FRAS1: variants seen among roughly 807,000 people sequenced by gnomAD.
The protein encoded by FRAS1 is extracellular matrix organizing protein FRAS1.
Under a neutral mutation model 435.2 loss-of-function variants are expected in FRAS1, and 290 were observed. That is an observed-to-expected ratio of 0.67 (90% CI 0.61 to 0.73). The LOEUF (loss-of-function observed/expected upper bound fraction) is 0.73, where lower values mean the gene tolerates loss of function less well. Among genes scored for constraint, FRAS1 ranks in the 30% least tolerant of loss-of-function variants. FRAS1 has a pLI of 0.00. For synonymous variants in FRAS1, 1,800 were observed against 1,851.0 expected (o/e 0.97, Z 0.71); for missense variants, 4,860 against 5,001.5 (o/e 0.97, Z 0.85).
intron 58 of FRAS1, among the ~76,000 whole-genome samples, chr4:78,486,280 A>G (rs976571838): frequency 6.6e-6 from 1 of 152,226 alleles, no homozygotes. Context: ...AACAGTGTTT[A>G]TAGGACATTT....
intron 4 of FRAS1, among the ~76,000 whole-genome samples, chr4:78,249,739 C>T (rs938308817): frequency 6.6e-6 from 1 of 152,096 alleles, no homozygotes; most frequent in African/African-American, 2.4e-5. Context: ...AGAGTGGGTA[C>T]TGAAGAGATC....
At position 78,540,651 on chromosome 4, in the gene FRAS1, G is replaced by A. The variant is rs369258214; in HGVS notation, c.11566G>A (p.Val3856Ile). ...APLRRNRRDLVEPDGQLILDD... is the reference protein window; with the variant it reads ...APLRRNRRDLIEPDGQLILDD... Reference sequence around the variant, plus strand: ...ACTCAGACGCAACCGAAGGGACCTGGTAGAGCCCGATGGCCAGCTGATCCT... The same window carrying A: ...ACTCAGACGCAACCGAAGGGACCTGATAGAGCCCGATGGCCAGCTGATCCT... The change falls in exon 74 of 74, where the codon GTA becomes ATA. Residue 3856 changes from valine to isoleucine, a missense_variant. Coordinates refer to ENST00000512123, the MANE Select transcript of FRAS1 (RefSeq NM_025074.7). 28 of 1,610,256 alleles carry A rather than the reference G, an allele frequency of 1.7e-5. No homozygotes were observed. The African/African-American group carries it at 2.5e-4, about 15-fold the overall frequency.
chr4:78,180,949 G>C lies in FRAS1; in HGVS notation c.109-56561G>C, dbSNP rs1721972120. On this transcript the variant is annotated intron_variant, in intron 2 of 73. Coordinates refer to ENST00000512123, the MANE Select transcript of FRAS1 (RefSeq NM_025074.7). ...TTGTCGGTCCTGCTGCCACGGTTTG[G>C]GCGCCCACCACGCCCATGTCCACCT... The C allele has an allele frequency of 3.7e-6, 6 of 1,610,626 alleles. No homozygotes were observed. The East Asian group carries it at 1.3e-4, about 36-fold the overall frequency.
In FRAS1 at chr4:78,124,810, C is replaced by T. The variant is rs149998805; in HGVS notation, c.108+58794C>T. 6.7e-3 allele frequency among the ~76,000 whole-genome samples: 1,012 copies of T among 152,170 alleles called. 15 individuals carry two copies. The highest frequency in any genetic ancestry group is 0.023 in the African/African-American group (956 of 41,508). ...ATGGTAGTTTGTATTTCTGTGGGAT[C>T]GGTGGTGATATCCCCTTTATCAATT... On this transcript the variant is annotated intron_variant, in intron 2 of 73. Transcript: ENST00000512123.
chr4:78,291,753 A>G (rs1198455006), intron 14 of FRAS1, among the ~76,000 whole-genome samples: 1 of 152,218 alleles, frequency 6.6e-6, no homozygotes, highest in African/African-American at 2.4e-5. Context: ...TGTTGCTTAT[A>G]GAGATGTAAA....
intron 2 of FRAS1, chr4:78,181,830 C>T: frequency 8.1e-6 from 13 of 1,612,102 alleles, no homozygotes; most frequent in Non-Finnish European, 1.1e-5. Flanking sequence ...TTCTGGGACT[C>T]CTTGCGCAGC....
At position 78,439,011 on chromosome 4, in the gene FRAS1, A is replaced by T. The variant is rs1300469727; in HGVS notation, c.5476A>T (p.Ile1826Phe). Residue 1826 changes from isoleucine to phenylalanine, a missense_variant, in exon 40 of 74, where the codon ATC becomes TTC. Coordinates refer to ENST00000512123, the MANE Select transcript of FRAS1 (RefSeq NM_025074.7). ...GGATAATCAGATATTTACCATCATG[A>T]TCACTCCTGCTGAAAATCCACCTCC... ...HLDNQIFTIM[I>F]TPAENPPPVI... The T allele has an allele frequency of 4.3e-6, 7 of 1,613,572 alleles. No homozygotes were observed. Among genetic ancestry groups the T allele is most frequent in the Non-Finnish European group, 5.9e-6 (7 of 1,179,686 alleles).
intron 70 of FRAS1, among the ~76,000 whole-genome samples, chr4:78,533,057 A>G (rs1496595): frequency 0.44 from 66,932 of 151,490 alleles, 15,297 homozygotes; most frequent in East Asian, 0.79. Flanking sequence ...AGGATGATCC[A>G]TACTGTTTTA....
chr4:78,271,101 C>A (rs892776524), intron 9 of FRAS1, among the ~76,000 whole-genome samples: 1 of 152,138 alleles, frequency 6.6e-6, no homozygotes, highest in Non-Finnish European at 1.5e-5. Flanking sequence ...CCAGAGACAA[C>A]CAATGCTTCC....
At chr4:78,116,836 G>A (rs1362437894) in intron 2 of FRAS1, among the ~76,000 whole-genome samples, 2 of 152,024 alleles carry the variant, frequency 1.3e-5, no homozygotes, top group Non-Finnish European at 2.9e-5. Context: ...TTACATTTAA[G>A]GTTAATTTTG....
chr4:78,393,413 G>A (rs912892108), intron 29 of FRAS1, among the ~76,000 whole-genome samples: 4 of 139,848 alleles, frequency 2.9e-5, no homozygotes, highest in East Asian at 4.0e-4. Flanking sequence ...TGAAAGTTAC[G>A]TTTTGACCAT....
chr4:78,173,981 A>G (rs1237362220), intron 2 of FRAS1, among the ~76,000 whole-genome samples: 1 of 152,246 alleles, frequency 6.6e-6, no homozygotes, highest in East Asian at 1.9e-4. Context: ...TTCACTGTAC[A>G]GATGGTGTAA....
intron 61 of FRAS1, among the ~76,000 whole-genome samples, chr4:78,503,561 C>A (rs539511643): frequency 3.3e-5 from 5 of 152,156 alleles, no homozygotes; most frequent in Admixed American, 3.3e-4. Context: ...GTGGTGAGAT[C>A]CCCTTTATCA....
chr4:78,085,055 T>C (rs1741079715), intron 2 of FRAS1, among the ~76,000 whole-genome samples: 1 of 152,154 alleles, frequency 6.6e-6, no homozygotes, highest in Non-Finnish European at 1.5e-5. Context: ...ATATTGAATC[T>C]ATTAATATAA....
chr4:78,452,487 AC>A, intron 47 of FRAS1, 133 bp downstream of exon 47: 2 of 654,186 alleles, frequency 3.1e-6, no homozygotes, highest in Non-Finnish European at 5.0e-6. Context: ...ACTAATTTTG[AC>A]CATTATACAC....
chr4:78,115,582 A>G (rs1196571499), intron 2 of FRAS1, among the ~76,000 whole-genome samples: 2 of 152,102 alleles, frequency 1.3e-5, no homozygotes, highest in Non-Finnish European at 2.9e-5. Context: ...CCAGGAATTT[A>G]TCCATTTCTT....
In FRAS1 at chr4:78,420,096, AAAG is replaced by A. The variant is rs900992388; in HGVS notation, c.4540+1038_4540+1040del. On this transcript the variant is annotated intron_variant, in intron 33 of 73. Transcript: ENST00000512123. ...GTAGAGGTGCAGCTGCTCCTCACAG[AAAG>A]AAGATCAGGTTCTATTAAGATAATT... Among the ~76,000 whole-genome samples the A allele has an allele frequency of 7.2e-5, 11 of 152,306 alleles. No individual in the cohort carries two copies. In the South Asian group the frequency reaches 1.7e-3, roughly 23 times the overall value.
At chr4:78,278,933 G>T (rs2110175332) in intron 10 of FRAS1, among the ~76,000 whole-genome samples, 189 bp downstream of exon 10, 1 of 152,174 alleles carries the variant, frequency 6.6e-6, no homozygotes, top group East Asian at 1.9e-4. Flanking sequence ...GTCTTGGTAG[G>T]GCATACTTTG....
chr4:78,367,414 A>T (rs1731318336), intron 22 of FRAS1, among the ~76,000 whole-genome samples: 1 of 151,792 alleles, frequency 6.6e-6, no homozygotes, highest in African/African-American at 2.4e-5. Context: ...GTCTCAAAAA[A>T]AAAAAAAAAA....
Sources: gnomAD v4.1 joint callset for allele counts (sites outside exome capture counted in the v4.1 genomes callset) on GRCh38, gnomAD v4.1.1 for gene constraint, MANE v1.5 for transcripts, NCBI Gene and HGNC (gene_info 2026-07-23, HGNC 2026-07-21) for gene names.